Variants in LRP1B observed in about 807,000 individuals in gnomAD.
LRP1B encodes LDL receptor related protein 1B.
LRP1B carries 217 observed loss-of-function variants against 556.6 expected under a neutral mutation model. That is an observed-to-expected ratio of 0.39 (90% CI 0.35 to 0.44). The LOEUF (loss-of-function observed/expected upper bound fraction) is 0.44. LRP1B is among the 20% of genes least tolerant of loss of function. The pLI is 1.00. For missense variants in LRP1B, 5,053 were observed against 5,620.8 expected (o/e 0.90, Z 3.23); for synonymous variants, 2,047 against 1,865.8 (o/e 1.10, Z -2.50).
chr2:140,783,734 G>T (rs1689784129), intron 32 of LRP1B, among the ~76,000 whole-genome samples: 1 of 152,054 alleles, frequency 6.6e-6, no homozygotes, highest in Non-Finnish European at 1.5e-5. Context: ...TAGGAGGATT[G>T]CTTTAGTCTA....
At position 140,526,329 on chromosome 2, in the gene LRP1B, T is replaced by A. The variant is rs1366357014; in HGVS notation, c.7784A>T (p.Glu2595Val). The change falls in exon 48 of 91, where the codon GAG becomes GTG. Residue 2595 changes from glutamate (E) to valine (V), a missense_variant. This residue lies in a region of LRP1B where 3,619 missense variants were observed against 3,931.9 expected (regional missense o/e 0.92). Transcript: ENST00000389484. ...ACAAGTCCCATCTGCACAGCGGAAC[T>A]CAACCGTGGCACAGGTTGAAACTAG... ...DCKVSTCATV[E>V]FRCADGTCIP... The A allele has an allele frequency of 6.2e-7, 1 of 1,611,528 alleles. No homozygotes were observed.
rs1707818033 is a variant in LRP1B, at chr2:142,130,679, A to C, written c.51T>G (p.Ile17Met). The change falls in exon 1 of 91, where the codon ATT (isoleucine) becomes ATG (methionine). Residue 17 changes from isoleucine (I) to methionine (M), a missense_variant. Around this residue, in one of 5 missense-constraint regions of LRP1B, gnomAD observed 3,619 missense variants for 3,931.9 expected, o/e 0.92. Transcript: ENST00000389484. Reference sequence around the variant, plus strand: ...CGGCTCCCACGGTCAGCACCCTGGCAATCGGCAATAATCCCGAGAGAGTGA... The same window carrying C: ...CGGCTCCCACGGTCAGCACCCTGGCCATCGGCAATAATCCCGAGAGAGTGA... Reference protein sequence around the residue: ...ALLTLSGLLPIARVLTVGADR... With the variant: ...ALLTLSGLLPMARVLTVGADR... The C allele has an allele frequency of 6.2e-7, 1 of 1,613,682 alleles. No homozygotes were observed. The highest frequency in any genetic ancestry group is 8.5e-7 in the Non-Finnish European group (1 of 1,179,796).
At chr2:140,386,305 G>T (rs975993640) in intron 66 of LRP1B, among the ~76,000 whole-genome samples, 1 of 152,300 alleles carries the variant, frequency 6.6e-6, no homozygotes. Flanking sequence ...CAGGCATGGT[G>T]GCTCACGCCT....
chr2:140,234,233 T>G (rs1437498164), intron 90 of LRP1B, among the ~76,000 whole-genome samples: 1 of 151,276 alleles, frequency 6.6e-6, no homozygotes, highest in Non-Finnish European at 1.5e-5. Flanking sequence ...CTAGGAATCT[T>G]GATAATGCAT....
Position 141,057,406 on chromosome 2 carries a change from T to C in LRP1B, c.1408+1477A>G, listed in dbSNP as rs554272127. On this transcript the variant is annotated intron_variant, in intron 9 of 90. Coordinates refer to ENST00000389484, the MANE Select transcript of LRP1B (RefSeq NM_018557.3). Reference sequence around the variant, plus strand: ...AGACATGTTCTCTCCTCATGGCTTTTGTGCTTGTTCATCCCACCACCTGCA... The same window carrying C: ...AGACATGTTCTCTCCTCATGGCTTTCGTGCTTGTTCATCCCACCACCTGCA... 7.2e-5 allele frequency among the ~76,000 whole-genome samples: 11 copies of C among 152,000 alleles called. 1 individual carries two copies. In the South Asian group the frequency reaches 2.3e-3, roughly 31 times the overall value.
At chr2:141,978,842 A>T (rs1701964166) in intron 1 of LRP1B, among the ~76,000 whole-genome samples, 1 of 152,048 alleles carries the variant, frequency 6.6e-6, no homozygotes, top group South Asian at 2.1e-4. Flanking sequence ...TGGGATATGA[A>T]TACATGTGCA....
Position 140,562,795 on chromosome 2 carries a change from T to C in LRP1B, c.7195-20824A>G, listed in dbSNP as rs972634839. 3.9e-4 allele frequency among the ~76,000 whole-genome samples: 59 copies of C among 152,072 alleles called. 1 individual carries two copies. Among genetic ancestry groups the C allele is most frequent in the Admixed American group, 5.2e-4 (8 of 15,262 alleles). ...ACCACCACACCTATTTTTGTATTTT[T>C]AGTAGAGATAGGGTTTCACCATGTT... On this transcript the variant is annotated intron_variant, in intron 43 of 90. Coordinates refer to ENST00000389484, the MANE Select transcript of LRP1B (RefSeq NM_018557.3).
chr2:141,374,788 G>T (rs1689367334), intron 3 of LRP1B, among the ~76,000 whole-genome samples: 1 of 152,024 alleles, frequency 6.6e-6, no homozygotes, highest in Admixed American at 6.6e-5. Context: ...TGATTTCTTT[G>T]TATTGGTTTT....
At chr2:141,978,306 A>G (rs1701941625) in intron 1 of LRP1B, among the ~76,000 whole-genome samples, 2 of 152,096 alleles carry the variant, frequency 1.3e-5, no homozygotes, top group Non-Finnish European at 2.9e-5. Flanking sequence ...AGTAAATTAT[A>G]TTGGAATGTA....
intron 57 of LRP1B, among the ~76,000 whole-genome samples, chr2:140,490,692 T>C (rs115858320): frequency 0.04 from 6,156 of 152,234 alleles, 172 homozygotes; most frequent in Non-Finnish European, 0.047. Flanking sequence ...AACACTGTGA[T>C]GAAACTGTGA....
intron 13 of LRP1B, among the ~76,000 whole-genome samples, chr2:141,014,045 T>C (rs1487518824): frequency 6.6e-6 from 1 of 152,032 alleles, no homozygotes; most frequent in African/African-American, 2.4e-5. Flanking sequence ...AGAATGCAAA[T>C]ACTAAAATGA....
At chr2:140,583,171 C>CTTTTTTTTTTTTT (rs1219194754) in intron 43 of LRP1B, among the ~76,000 whole-genome samples, 7 of 48,022 alleles carry the variant, frequency 1.5e-4, no homozygotes, top group Non-Finnish European at 2.9e-4. Flanking sequence ...CCTTTTTTTT[C>CTTTTTTTTTTTTT]TTTTTTTTTT....
At chr2:141,392,515 G>T (rs546868506) in intron 3 of LRP1B, among the ~76,000 whole-genome samples, 1 of 149,184 alleles carries the variant, frequency 6.7e-6, no homozygotes, top group African/African-American at 2.5e-5. Flanking sequence ...AGAATGCATG[G>T]GGCAGGAAAA....
intron 46 of LRP1B, among the ~76,000 whole-genome samples, chr2:140,534,849 A>T (rs1363889473): frequency 6.6e-6 from 1 of 152,188 alleles, no homozygotes; most frequent in African/African-American, 2.4e-5. Context: ...CATAAGAGCT[A>T]GTTGTTTCGT....
At chr2:141,402,452 C>T (rs1008932603) in intron 3 of LRP1B, among the ~76,000 whole-genome samples, 1 of 151,980 alleles carries the variant, frequency 6.6e-6, no homozygotes, top group East Asian at 1.9e-4. Context: ...GGAATGAGAC[C>T]AGTCAACCAA....
chr2:140,789,747 C>A (rs1406021724), intron 32 of LRP1B, among the ~76,000 whole-genome samples: 1 of 146,784 alleles, frequency 6.8e-6, no homozygotes, highest in Admixed American at 6.8e-5. Flanking sequence ...TCTCCTGCCT[C>A]AGCCTCCCAA....
intron 1 of LRP1B, among the ~76,000 whole-genome samples, chr2:141,957,153 C>T (rs1435612): frequency 0.45 from 68,751 of 151,596 alleles, 15,709 homozygotes; most frequent in Admixed American, 0.53. Context: ...GTATACTTTT[C>T]ACTTTTTCTT....
At chr2:141,709,711 A>G (rs1161461512) in intron 2 of LRP1B, among the ~76,000 whole-genome samples, 1 of 152,198 alleles carries the variant, frequency 6.6e-6, no homozygotes, top group Non-Finnish European at 1.5e-5. Flanking sequence ...GTGTGTGGGC[A>G]AAGGGGCTCC....
At chr2:140,992,189 A>G (rs1376419430) in intron 16 of LRP1B, among the ~76,000 whole-genome samples, 1 of 152,034 alleles carries the variant, frequency 6.6e-6, no homozygotes, top group East Asian at 1.9e-4. Flanking sequence ...AAAAAATAGG[A>G]TTTATTTAAA....
Sources: allele counts gnomAD v4.1 joint callset (sites outside exome capture counted in the v4.1 genomes callset), GRCh38; gene constraint gnomAD v4.1.1; regional missense constraint gnomAD v4.1.1; transcripts MANE v1.5; gene names NCBI Gene and HGNC (gene_info 2026-07-23, HGNC 2026-07-21).